Variants in ABTB3 observed in about 807,000 individuals in gnomAD.
The protein encoded by ABTB3 is ankyrin repeat and BTB domain containing 3, also known as ankyrin repeat- and BTB/POZ domain-containing protein 3.
chr12:107,319,966 G>A, the ABTB3 span: 1 of 1,582,178 alleles, frequency 6.3e-7, no homozygotes, highest in Non-Finnish European at 8.6e-7. Context: ...CGCTCCACGA[G>A]GCGCCCAAGT....
the ABTB3 span, among the ~76,000 whole-genome samples, chr12:107,536,012 C>A: frequency 2.1e-4 from 32 of 152,024 alleles, no homozygotes; most frequent in Admixed American, 7.2e-4. Context: ...CAATAATAAC[C>A]AAAACAGCAT....
chr12:107,469,954 T>TTCTCTC, the ABTB3 span, among the ~76,000 whole-genome samples: 1 of 66,050 alleles, frequency 1.5e-5, no homozygotes, highest in Admixed American at 1.5e-4. Context: ...CTTTCTTTCT[T>TTCTCTC]TCTTTCTTTC....
the ABTB3 span, among the ~76,000 whole-genome samples, chr12:107,356,286 G>C: frequency 6.6e-6 from 1 of 152,172 alleles, no homozygotes; most frequent in Admixed American, 6.5e-5. Flanking sequence ...ATGGGCACTT[G>C]GTAAATGATG....
the ABTB3 span, chr12:107,318,997 C>T: frequency 6.2e-7 from 1 of 1,613,710 alleles, no homozygotes; most frequent in Middle Eastern, 1.7e-4. Flanking sequence ...TGACGCTGGA[C>T]TCGGGTTATG....
At chr12:107,653,558 A>G in the ABTB3 span, among the ~76,000 whole-genome samples, 1 of 151,958 alleles carries the variant, frequency 6.6e-6, no homozygotes, top group South Asian at 2.1e-4. Context: ...ATCAGATTGC[A>G]TGTGAGATGC....
the ABTB3 span, among the ~76,000 whole-genome samples, chr12:107,575,909 G>A: frequency 6.6e-6 from 1 of 152,096 alleles, no homozygotes; most frequent in Non-Finnish European, 1.5e-5. Flanking sequence ...CTCTGAGGTG[G>A]GTGCTATTAT....
chr12:107,614,074 C>T, the ABTB3 span, among the ~76,000 whole-genome samples: 21 of 152,108 alleles, frequency 1.4e-4, no homozygotes, highest in African/African-American at 1.9e-4. Context: ...GCCCATCCCA[C>T]GGATCTCAGC....
At chr12:107,490,309 T>C in the ABTB3 span, among the ~76,000 whole-genome samples, 1 of 152,134 alleles carries the variant, frequency 6.6e-6, no homozygotes, top group Non-Finnish European at 1.5e-5. Context: ...GAGCAGATGG[T>C]GACAATCTGG....
At chr12:107,573,009 C>T in the ABTB3 span, among the ~76,000 whole-genome samples, 4 of 152,174 alleles carry the variant, frequency 2.6e-5, no homozygotes, top group African/African-American at 9.7e-5. Flanking sequence ...TGCCCTTTGC[C>T]ATTTGCCCCA....
At chr12:107,483,861 A>T in the ABTB3 span, among the ~76,000 whole-genome samples, 9 of 152,108 alleles carry the variant, frequency 5.9e-5, no homozygotes, top group South Asian at 6.2e-4. Context: ...TAATTTTTTT[A>T]AAAAAGTTTT....
chr12:107,500,703 A>G, the ABTB3 span, among the ~76,000 whole-genome samples: 1 of 152,144 alleles, frequency 6.6e-6, no homozygotes, highest in South Asian at 2.1e-4. Flanking sequence ...TTTTTTAAAA[A>G]CAAGCACCCA....
At chr12:107,515,910 A>AT in the ABTB3 span, among the ~76,000 whole-genome samples, 15,052 of 152,088 alleles carry the variant, frequency 0.099, 820 homozygotes, top group South Asian at 0.14. Context: ...TGCAGTCAGC[A>AT]TTTTTTATTA....
the ABTB3 span, among the ~76,000 whole-genome samples, chr12:107,539,365 C>G: frequency 0.013 from 2,017 of 152,208 alleles, 42 homozygotes; most frequent in African/African-American, 0.044. Context: ...GTTGGAGCTT[C>G]CCCTTACTAG....
chr12:107,478,743 C>T, the ABTB3 span, among the ~76,000 whole-genome samples: 4 of 152,052 alleles, frequency 2.6e-5, no homozygotes, highest in South Asian at 4.2e-4. Flanking sequence ...CTCATTTCAC[C>T]CCTTGGAGAG....
chr12:107,455,657 C>G, the ABTB3 span, among the ~76,000 whole-genome samples: 3 of 152,180 alleles, frequency 2.0e-5, no homozygotes, highest in Non-Finnish European at 2.9e-5. Context: ...GGGGATAGCT[C>G]TATGGTTCTT....
chr12:107,381,895 A>G, the ABTB3 span, among the ~76,000 whole-genome samples: 1 of 152,338 alleles, frequency 6.6e-6, no homozygotes, highest in East Asian at 1.9e-4. Flanking sequence ...GAGCTAATTT[A>G]TGTAAATCGC....
chr12:107,447,343 T>C, the ABTB3 span, among the ~76,000 whole-genome samples: 1 of 152,184 alleles, frequency 6.6e-6, no homozygotes, highest in African/African-American at 2.4e-5. Context: ...GGTTTCAACA[T>C]GTTGGTCAGG....
chr12:107,505,203 A>T, the ABTB3 span, among the ~76,000 whole-genome samples: 1 of 152,226 alleles, frequency 6.6e-6, no homozygotes, highest in South Asian at 2.1e-4. Flanking sequence ...TCACCATTTG[A>T]ACCACAGTCA....
chr12:107,596,374 A>C, the ABTB3 span, among the ~76,000 whole-genome samples: 1 of 152,204 alleles, frequency 6.6e-6, no homozygotes, highest in Admixed American at 6.5e-5. Context: ...AGCACTTTGG[A>C]GGTCAAGGTG....
Sources: allele counts gnomAD v4.1 joint callset (sites outside exome capture counted in the v4.1 genomes callset), GRCh38; gene constraint gnomAD v4.1.1; transcripts MANE v1.5; gene names NCBI Gene and HGNC (gene_info 2026-07-23, HGNC 2026-07-21).